Variants in PER2 observed in about 807,000 individuals in gnomAD.
PER2 encodes period circadian regulator 2, also known as period circadian protein homolog 2.
In PER2, 66 loss-of-function variants were observed where a neutral mutation model predicts 121.0. That is an observed-to-expected ratio of 0.55 (90% CI 0.45 to 0.67). PER2 has a LOEUF of 0.67. Ranked by LOEUF, PER2 falls within the 30% of genes least tolerant of loss-of-function variation. PER2 has a pLI of 0.00. For synonymous variants in PER2, 684 were observed against 659.9 expected, an observed-to-expected ratio of 1.04 and a Z score of -0.56; for missense variants, 1,521 against 1,635.0, an observed-to-expected ratio of 0.93 and a Z score of 1.20.
chr2:238,258,793 C>T, intron 14 of PER2, 149 bp from the exon 15 acceptor site: 1 of 815,006 alleles, frequency 1.2e-6, no homozygotes, highest in South Asian at 1.5e-5. Flanking sequence ...AGCCTGGCAT[C>T]TGGCAGCCCT....
chr2:238,265,808 T>C (rs1462998717), intron 8 of PER2, among the ~76,000 whole-genome samples: 1 of 152,200 alleles, frequency 6.6e-6, no homozygotes, highest in Non-Finnish European at 1.5e-5. Context: ...ATATGCTAGT[T>C]TTAGTCTAGT....
intron 10 of PER2, among the ~76,000 whole-genome samples, chr2:238,262,625 C>G (rs1695970219): frequency 6.6e-6 from 1 of 152,146 alleles, no homozygotes; most frequent in South Asian, 2.1e-4. Flanking sequence ...ACTCCCCTGG[C>G]CTGGTGAGAA....
chr2:238,253,822 G>A lies in PER2; in HGVS notation c.2321-120C>T, dbSNP rs1695684643. The A allele has an allele frequency of 1.0e-5, 8 of 766,960 alleles. No homozygotes were observed. Among genetic ancestry groups the A allele is most frequent in the Admixed American group, 6.2e-5 (3 of 48,360 alleles). The allele number at this position is 766,960 out of a possible 1,614,324, so 47.5% of individuals were successfully genotyped here. A position where few individuals can be genotyped will look rare whatever the true frequency, so the allele number is the denominator to read the frequency against. ...CCAGGGCCTGCCTGGTCCACCGAGC[G>A]GTTTTCCCTGATCCTCAGTGAAGTG... On this transcript the variant is annotated intron_variant, in intron 18 of 22. Transcript: ENST00000254657. This position sits in a 1 kb window ranked among gnomAD's most constrained non-coding sequence, Gnocchi z 5.6.
intron 21 of PER2, among the ~76,000 whole-genome samples, chr2:238,249,810 G>A (rs570112972): frequency 1.3e-5 from 2 of 152,304 alleles, no homozygotes; most frequent in East Asian, 1.9e-4. Context: ...TTCCTCCTTC[G>A]CTTGTGCTCT....
intron 21 of PER2, among the ~76,000 whole-genome samples, chr2:238,250,349 G>A (rs1197402907): frequency 6.6e-6 from 1 of 152,238 alleles, no homozygotes; most frequent in African/African-American, 2.4e-5. Flanking sequence ...GGCTTATCCT[G>A]GCCACACTGC....
At position 238,258,526 on chromosome 2, in the gene PER2, C is replaced by T; in HGVS notation, c.1746G>A (p.Gln582=). Residue 582 remains glutamine, a synonymous_variant, in exon 15 of 23, where the codon CAG becomes CAA. Coordinates refer to ENST00000254657, the MANE Select transcript of PER2 (RefSeq NM_022817.3). Reference sequence around the variant, plus strand: ...TGACGCTGTCCAAGCAGCTGATCTGCTGGTAGGAGCAGGTGGGCTGGTTCT... The same window carrying T: ...TGACGCTGTCCAAGCAGCTGATCTGTTGGTAGGAGCAGGTGGGCTGGTTCT... ...ACKNQPTCSY[Q]QISCLDSVIR... 6.2e-7 allele frequency: 1 copy of T among 1,614,232 alleles called. No homozygotes were observed. The highest frequency in any genetic ancestry group is 8.5e-7 in the Non-Finnish European group (1 of 1,180,048).
At chr2:238,258,441 T>C (rs779854946) in intron 15 of PER2, 41 bp from the exon 16 acceptor site, 3 of 1,613,990 alleles carry the variant, frequency 1.9e-6, no homozygotes, top group Non-Finnish European at 2.5e-6. Context: ...CCACACAACA[T>C]GAGAGGAGGG....
chr2:238,260,844 G>A lies in PER2; in HGVS notation c.1526C>T (p.Ser509Leu), dbSNP rs537348728. 7 of 1,614,150 alleles carry A rather than the reference G, an allele frequency of 4.3e-6. No individual in the cohort carries two copies. The South Asian group carries it at 6.6e-5, about 15-fold the overall frequency. ...SSSDSNGHED[S>L]RRRRAEICKN... The stretch of plus-strand genomic sequence containing the variant: ...GAGACGTACGGCTCTCCTCCGGCGT[G>A]AGTCCTCATGGCCGTTGCTGTCGCT... Residue 509 changes from serine to leucine, a missense_variant, in exon 13 of 23, where the codon TCA (serine) becomes TTA (leucine). Physicochemically the swap from Ser to Leu is moderately radical, Grantham distance 145. Transcript: ENST00000254657.
intron 6 of PER2, among the ~76,000 whole-genome samples, 153 bp from the exon 7 acceptor site, chr2:238,269,127 G>A (rs1272254057): frequency 2.6e-5 from 4 of 152,252 alleles, no homozygotes; most frequent in South Asian, 2.1e-4. Flanking sequence ...CTTTATGTGA[G>A]AAACCTTCTA....
Position 238,261,739 on chromosome 2 carries a change from A to G in PER2, c.1406T>C (p.Leu469Pro). The G allele has an allele frequency of 6.4e-7, 1 of 1,554,038 alleles. No homozygotes were observed. Among genetic ancestry groups the G allele is most frequent in the Non-Finnish European group, 8.7e-7 (1 of 1,146,318 alleles). The change falls in exon 12 of 23, where the codon CTC (leucine) becomes CCC (proline). Residue 469 changes from leucine (L) to proline (P), a missense_variant. Physicochemically the swap from Leu to Pro is moderately conservative, Grantham distance 98 (BLOSUM62 -3). Transcript: ENST00000254657. ...AGGCACCACACCCACCTGCAGCAGG[A>G]GCCGGTGGATCTGCTCTGTGAGCTC... is the stretch of plus-strand genomic sequence containing the variant. Reference protein sequence around the residue: ...IQELTEQIHRLLLQPVPHSGS... With the variant: ...IQELTEQIHRPLLQPVPHSGS...
chr2:238,270,316 TATG>T (rs1696243939), intron 6 of PER2, among the ~76,000 whole-genome samples: 1 of 151,992 alleles, frequency 6.6e-6, no homozygotes, highest in African/African-American at 2.4e-5. Flanking sequence ...CTAGTGAAAA[TATG>T]AAATCAATTG....
At position 238,245,061 on chromosome 2, in the gene PER2, A is replaced by G. The variant is rs1262480026; in HGVS notation, c.*1314T>C. 2 of 150,530 alleles carry G rather than the reference A, an allele frequency of 1.3e-5. No individual in the cohort carries two copies. Among genetic ancestry groups the G allele is most frequent in the East Asian group, 2.0e-4 (1 of 5,108 alleles). 9.3% of individuals were successfully genotyped at this position (150,530 alleles called of 1,614,324 possible). A position where few individuals can be genotyped will look rare whatever the true frequency, so the allele number is the denominator to read the frequency against. On this transcript the variant is annotated 3_prime_UTR_variant, in exon 23 of 23. Coordinates refer to ENST00000254657, the MANE Select transcript of PER2 (RefSeq NM_022817.3). ...TCCATCTAAAAAAAAAAAAAAAAAA[A>G]AAAAAAAAAGAAAACCCTGGTCCCT...
Position 238,271,319 on chromosome 2 carries a change from A to G in PER2, c.765T>C (p.Ser255=). 6.2e-7 allele frequency: 1 copy of G among 1,613,404 alleles called. No individual in the cohort carries two copies. The highest frequency in any genetic ancestry group is 8.5e-7 in the Non-Finnish European group (1 of 1,179,530). The change falls in exon 6 of 23, where the codon AGT becomes AGC. Residue 255 remains serine, a synonymous_variant. Coordinates refer to ENST00000254657, the MANE Select transcript of PER2 (RefSeq NM_022817.3). ...PYKLPLWSMC[S]GADSFTQECM... ...CTACCTCGATAACCTCACCTGCTCC[A>G]CTGCACATGCTCCACAAGGGAAGCT...
At chr2:238,251,496 C>A in intron 20 of PER2, 103 bp downstream of exon 20, 1 of 1,043,860 alleles carries the variant, frequency 9.6e-7, no homozygotes, top group Non-Finnish European at 1.5e-6. Context: ...TTGGGGAGTG[C>A]CGGTGATCCC....
chr2:238,273,250 C>T, intron 4 of PER2, 59 bp from the exon 5 acceptor site: 1 of 1,583,210 alleles, frequency 6.3e-7, no homozygotes, highest in South Asian at 1.1e-5. Flanking sequence ...CGGAGACAGT[C>T]ACTAGCTCTT....
chr2:238,249,949 A>AAATAC (rs1695553486), intron 21 of PER2, among the ~76,000 whole-genome samples: 1 of 152,080 alleles, frequency 6.6e-6, no homozygotes, highest in Non-Finnish European at 1.5e-5. Context: ...AAATTACCCA[A>AAATAC]TCTCAGGTAT....
At chr2:238,282,115 T>G (rs548307767) in intron 1 of PER2, among the ~76,000 whole-genome samples, 97 of 152,318 alleles carry the variant, frequency 6.4e-4, no homozygotes, top group African/African-American at 2.1e-3. Context: ...AATTCTAGTG[T>G]GCACAAGGGC....
chr2:238,253,673 T>C lies in PER2; in HGVS notation c.2350A>G (p.Ile784Val), dbSNP rs1695680161. 1 of 1,608,318 alleles carries C rather than the reference T, an allele frequency of 6.2e-7. No individual in the cohort carries two copies. Among genetic ancestry groups the C allele is most frequent in the African/African-American group, 1.3e-5 (1 of 74,862 alleles). The part of the protein sequence containing the change: ...TAPGLRNTSG[I>V]DSPWKKTGKN... ...CCTGTTTTTTTCCAAGGTGAATCTA[T>C]TCCGGAAGTATTTCTTAGTCCAGGG... Residue 784 changes from isoleucine (I) to valine (V), a missense_variant, in exon 19 of 23, where the codon ATA becomes GTA. Ile to Val is a conservative substitution (Grantham distance 29). Coordinates refer to ENST00000254657, the MANE Select transcript of PER2 (RefSeq NM_022817.3). The surrounding 1 kb of genome is among the most constrained non-coding windows in gnomAD (Gnocchi z 5.6).
chr2:238,286,429 G>A (rs115522284), intron 1 of PER2, among the ~76,000 whole-genome samples: 4,794 of 152,076 alleles, frequency 0.032, 94 homozygotes, highest in Non-Finnish European at 0.046. Context: ...CTCTAGACTT[G>A]GAGATATGGT....
Sources: gnomAD v4.1 joint callset for allele counts (sites outside exome capture counted in the v4.1 genomes callset) on GRCh38, gnomAD v4.1.1 for gene constraint, Gnocchi (gnomAD v3.1) non-coding constraint, MANE v1.5 for transcripts, NCBI Gene and HGNC (gene_info 2026-07-23, HGNC 2026-07-21) for gene names.